Variants in PER3 observed in about 807,000 individuals in gnomAD.
PER3 encodes period circadian protein homolog 3.
Under a neutral mutation model 127.2 loss-of-function variants are expected in PER3, and 107 were observed. The ratio of observed to expected loss-of-function variants is 0.84; its 90% CI spans 0.72 to 0.99. The LOEUF is 0.99. Among genes scored for constraint, PER3 ranks in the 50% least tolerant of loss-of-function variants. The pLI, the probability that PER3 is intolerant of heterozygous loss-of-function variation, is 0.00. For missense variants in PER3, 1,560 were observed against 1,525.8 expected, an observed-to-expected ratio of 1.02 and a Z score of -0.37; for synonymous variants, 618 against 585.8, an observed-to-expected ratio of 1.05 and a Z score of -0.79.
At chr1:7,806,378 T>G (rs2097192702) in intron 10 of PER3, among the ~76,000 whole-genome samples, 1 of 152,150 alleles carries the variant, frequency 6.6e-6, no homozygotes, top group South Asian at 2.1e-4. Context: ...TCTCTCTTAC[T>G]CCTACTTCAC....
chr1:7,810,373 TTATG>T, intron 12 of PER3, 61 bp from the exon 13 acceptor site: 2 of 1,155,454 alleles, frequency 1.7e-6, no homozygotes, highest in South Asian at 3.0e-5. Context: ...TGTATTTTGT[TTATG>T]TATCTTTTAG....
chr1:7,836,016 G>A, intron 20 of PER3, 71 bp downstream of exon 20: 2 of 1,104,884 alleles, frequency 1.8e-6, no homozygotes, highest in Non-Finnish European at 2.6e-6. Flanking sequence ...TTTCTTTTTT[G>A]AGACGGAGTC....
chr1:7,841,288 A>AT (rs148419490), intron 21 of PER3, among the ~76,000 whole-genome samples: 52,443 of 146,778 alleles, frequency 0.36, 9,324 homozygotes, highest in Middle Eastern at 0.42. Context: ...TGCCTTAATG[A>AT]TTTTTTTTTT....
intron 19 of PER3, among the ~76,000 whole-genome samples, chr1:7,834,821 A>T (rs995749178): frequency 6.6e-5 from 10 of 150,458 alleles, no homozygotes; most frequent in Admixed American, 2.8e-4. Context: ...TTAGTTTTTT[A>T]AAAAAAATTA....
intron 5 of PER3, among the ~76,000 whole-genome samples, chr1:7,790,486 G>C (rs901635663): frequency 4.6e-5 from 7 of 152,158 alleles, no homozygotes; most frequent in Non-Finnish European, 7.3e-5. Context: ...CCACACATGG[G>C]GATTATGGGA....
At chr1:7,833,949 G>A (rs1278325141) in intron 19 of PER3, among the ~76,000 whole-genome samples, 1 of 151,684 alleles carries the variant, frequency 6.6e-6, no homozygotes, top group Admixed American at 6.6e-5. Flanking sequence ...TTGAGACTGA[G>A]TCTCACTCTG....
chr1:7,804,017 G>C (rs2097181984), intron 10 of PER3, 169 bp downstream of exon 10: 10 of 526,484 alleles, frequency 1.9e-5, no homozygotes, highest in Admixed American at 1.4e-4. Context: ...AGCCTTAAAA[G>C]AAGTCATAAT....
chr1:7,842,269 A>T (rs975120621), intron 21 of PER3, among the ~76,000 whole-genome samples: 2 of 151,816 alleles, frequency 1.3e-5, no homozygotes, highest in South Asian at 4.2e-4. Context: ...TTGGGAGGCC[A>T]AGGTGGGCGG....
At chr1:7,841,968 C>A (rs1160876837) in intron 21 of PER3, among the ~76,000 whole-genome samples, 1 of 152,158 alleles carries the variant, frequency 6.6e-6, no homozygotes, top group African/African-American at 2.4e-5. Flanking sequence ...GCTACAATCA[C>A]TCCTAGGCCC....
In PER3 at chr1:7,827,252, G is replaced by T. The variant is rs1577904851; in HGVS notation, c.2323G>T (p.Ala775Ser). 1.2e-6 allele frequency: 2 copies of T among 1,613,866 alleles called. No individual in the cohort carries two copies. The highest frequency in any genetic ancestry group is 1.7e-6 in the Non-Finnish European group (2 of 1,179,918). Residue 775 changes from alanine to serine, a missense_variant, in exon 18 of 22, where the codon GCA becomes TCA. By Grantham distance (99) the Ala-to-Ser change is moderately conservative (BLOSUM62 1). This residue lies in a region of PER3 where 1,332 missense variants were observed against 1,223.6 expected (regional missense o/e 1.09). Transcript: ENST00000377532. ...TCCCCGCAGGGGAGCGCATCAGAAC[G>T]CACAGCCCTGCTGCCCCTCCGCGGC... ...SGPRRGAHQN[A>S]QPCCPSAASS...
At chr1:7,787,567 C>A in intron 4 of PER3, 1 of 348,190 alleles carries the variant, frequency 2.9e-6, no homozygotes, top group South Asian at 2.2e-5. Flanking sequence ...GAAAGTATGC[C>A]AATGCTAGCA....
At chr1:7,809,813 T>G (rs2097211187) in intron 11 of PER3, 80 bp from the exon 12 acceptor site, 1 of 1,335,032 alleles carries the variant, frequency 7.5e-7, no homozygotes, top group South Asian at 1.4e-5. Context: ...TCTTAATTTT[T>G]ACATGATTCT....
At chr1:7,799,759 C>T (rs1164704469) in intron 7 of PER3, among the ~76,000 whole-genome samples, 1 of 151,540 alleles carries the variant, frequency 6.6e-6, no homozygotes, top group African/African-American at 2.4e-5. Context: ...TTTGTGTATT[C>T]TTTTTTTGTT....
At chr1:7,820,037 C>T in intron 14 of PER3, 78 bp from the exon 15 acceptor site, 1 of 1,432,134 alleles carries the variant, frequency 7.0e-7, no homozygotes, top group Non-Finnish European at 9.6e-7. Flanking sequence ...ACATAAGTGG[C>T]ATGAGAAAAG....
rs1370015254 is a variant in PER3, at chr1:7,835,878, G to A, written c.3331G>A (p.Glu1111Lys). 1 of 1,611,962 alleles carries A rather than the reference G, an allele frequency of 6.2e-7. No individual in the cohort carries two copies. Among genetic ancestry groups the A allele is most frequent in the South Asian group, 1.1e-5 (1 of 91,042 alleles). Reference protein sequence around the residue: ...KKETFPNVAEEPIWRMIRQTP... With the variant: ...KKETFPNVAEKPIWRMIRQTP... ...AGAAACATTTCCTAATGTCGCCGAAGAGCCCATCTGGAGAATGATACGGCA... is the reference window on the plus strand; with the variant it reads ...AGAAACATTTCCTAATGTCGCCGAAAAGCCCATCTGGAGAATGATACGGCA... Residue 1111 changes from glutamate to lysine, a missense_variant, in exon 20 of 22, where the codon GAG becomes AAG. Around this residue, in one of 3 missense-constraint regions of PER3, gnomAD observed 199 missense variants for 198.6 expected, o/e 1.00. Coordinates refer to ENST00000377532, the MANE Select transcript of PER3 (RefSeq NM_001377275.1).
intron 10 of PER3, among the ~76,000 whole-genome samples, chr1:7,806,833 A>ATATATG (rs2097196508): frequency 7.1e-6 from 1 of 140,606 alleles, no homozygotes; most frequent in African/African-American, 2.6e-5. Flanking sequence ...ATATATATAT[A>ATATATG]TATTACATAC....
chr1:7,844,089 T>C lies in PER3; in HGVS notation c.*1334T>C. 1 of 604,124 alleles carries C rather than the reference T, an allele frequency of 1.7e-6. No homozygotes were observed. The highest frequency in any genetic ancestry group is 3.6e-5 in the South Asian group (1 of 27,938). The allele number at this position is 604,124 out of a possible 1,614,324, so 37.4% of individuals were successfully genotyped here. ...TTATGGTTTTTTAAGGAAAATACTT[T>C]TCTCCTTTGAAGTTTTACAGCTTTT... On this transcript the variant is annotated 3_prime_UTR_variant, in exon 22 of 22. Coordinates refer to ENST00000377532, the MANE Select transcript of PER3 (RefSeq NM_001377275.1).
At position 7,813,666 on chromosome 1, in the gene PER3, C is replaced by T. The variant is rs191438280; in HGVS notation, c.1522+3078C>T. Among the ~76,000 whole-genome samples the T allele has an allele frequency of 1.0e-3, 157 of 152,316 alleles. 3 individuals carry two copies. The highest frequency in any genetic ancestry group is 8.8e-3 in the Admixed American group (134 of 15,304). ...CTAGAGGAATTTGAAAGCTGTTGTA[C>T]ATGCTGTAGAACCATTACAATACTC... On this transcript the variant is annotated intron_variant, in intron 13 of 21. Coordinates refer to ENST00000377532, the MANE Select transcript of PER3 (RefSeq NM_001377275.1).
Position 7,826,811 on chromosome 1 carries a change from G to A in PER3, c.2188+101G>A, listed in dbSNP as rs911211613. On this transcript the variant is annotated intron_variant, in intron 17 of 21. Coordinates refer to ENST00000377532, the MANE Select transcript of PER3 (RefSeq NM_001377275.1). This position sits in a 1 kb window ranked among gnomAD's most constrained non-coding sequence, Gnocchi z 4.2. Reference sequence around the variant, plus strand: ...GGAGTGAACAATAGGAGTTTTACTTGTAAGAAACTGATGGAGAGATGCTGA... The same window carrying A: ...GGAGTGAACAATAGGAGTTTTACTTATAAGAAACTGATGGAGAGATGCTGA... The A allele has an allele frequency of 2.8e-6, 2 of 709,986 alleles. No individual in the cohort carries two copies. The highest frequency in any genetic ancestry group is 4.8e-6 in the Non-Finnish European group (2 of 413,096). The allele number at this position is 709,986 out of a possible 1,614,324, so 44.0% of individuals were successfully genotyped here.
Sources: allele counts gnomAD v4.1 joint callset (sites outside exome capture counted in the v4.1 genomes callset), GRCh38; gene constraint gnomAD v4.1.1; regional missense constraint gnomAD v4.1.1; non-coding constraint Gnocchi (gnomAD v3.1); transcripts MANE v1.5; gene names NCBI Gene and HGNC (gene_info 2026-07-23, HGNC 2026-07-21).